The following CSMD1 variants were observed in gnomAD, a reference collection of about 807,000 sequenced individuals.
CSMD1 encodes CUB and Sushi multiple domains 1.
Under a neutral mutation model 417.5 loss-of-function variants are expected in CSMD1, and 213 were observed. That is an observed-to-expected ratio of 0.51 (90% CI 0.46 to 0.57). The LOEUF (loss-of-function observed/expected upper bound fraction) is 0.57, where lower values mean the gene tolerates loss of function less well. Among genes scored for constraint, CSMD1 ranks in the 20% least tolerant of loss-of-function variants. CSMD1 has a pLI of 0.00. For synonymous variants in CSMD1, 2,862 were observed against 1,736.8 expected (o/e 1.65, Z -16.11); for missense variants, 6,923 against 4,529.7 (o/e 1.53, Z -15.17).
chr8:3,402,179 T>C (rs1812077286), intron 15 of CSMD1, among the ~76,000 whole-genome samples: 1 of 152,198 alleles, frequency 6.6e-6, no homozygotes, highest in African/African-American at 2.4e-5. Context: ...TGCACAACAC[T>C]AAGGTTCTCT....
intron 12 of CSMD1, among the ~76,000 whole-genome samples, chr8:3,461,556 A>G (rs892795872): frequency 6.6e-6 from 1 of 152,146 alleles, no homozygotes; most frequent in South Asian, 2.1e-4. Context: ...GTTGTAGAGA[A>G]CCTGCTTCTC....
chr8:3,021,549 G>A (rs552964573), intron 51 of CSMD1, among the ~76,000 whole-genome samples: 3 of 152,214 alleles, frequency 2.0e-5, no homozygotes, highest in South Asian at 2.1e-4. Flanking sequence ...GTGTGTCCAC[G>A]CTCACAGTCC....
intron 10 of CSMD1, among the ~76,000 whole-genome samples, chr8:3,519,574 T>A (rs28688278): frequency 0.15 from 23,113 of 152,124 alleles, 1,936 homozygotes; most frequent in Admixed American, 0.22. Flanking sequence ...AATGAGTACC[T>A]TGGTAGAGAC....
chr8:4,716,102 G>C (rs948822763), intron 1 of CSMD1, among the ~76,000 whole-genome samples: 11 of 152,282 alleles, frequency 7.2e-5, no homozygotes, highest in Non-Finnish European at 1.2e-4. Flanking sequence ...GGGACTCTTA[G>C]TCGGGAGACT....
chr8:3,760,091 G>A (rs1298284889), intron 5 of CSMD1, among the ~76,000 whole-genome samples: 1 of 151,958 alleles, frequency 6.6e-6, no homozygotes, highest in African/African-American at 2.4e-5. Context: ...AAAACAAGGG[G>A]GTTGAGAAGT....
rs537003737 is a variant in CSMD1 at position 3,742,614 on chromosome 8, C to A, written c.931+11316G>T. 4.6e-5 allele frequency among the ~76,000 whole-genome samples: 7 copies of A among 152,226 alleles called. 1 individual carries two copies. The highest frequency in any genetic ancestry group is 2.0e-4 in the Admixed American group (3 of 15,288). The stretch of plus-strand genomic sequence containing the variant: ...AGTAGTGCTTCACCCTAGGACGTGC[C>A]CAGGTCCACTTTTCCTTCTGCTCGT... On this transcript the variant is annotated intron_variant, in intron 6 of 69. Transcript: ENST00000635120.
chr8:3,033,743 G>C (rs531018359), intron 50 of CSMD1, among the ~76,000 whole-genome samples: 37 of 152,274 alleles, frequency 2.4e-4, no homozygotes, highest in Non-Finnish European at 4.3e-4. Flanking sequence ...TTCTGCACAT[G>C]ATTCCCAGAA....
chr8:4,450,586 G>A (rs570316683), intron 2 of CSMD1, among the ~76,000 whole-genome samples: 32 of 152,174 alleles, frequency 2.1e-4, no homozygotes, highest in East Asian at 9.7e-4. Context: ...AGCCCAGATC[G>A]CACCACTGCA....
chr8:4,669,297 A>G lies in CSMD1; in HGVS notation c.86-31739T>C, dbSNP rs1805145181. 2.0e-5 allele frequency among the ~76,000 whole-genome samples: 3 copies of G among 152,202 alleles called. No individual in the cohort carries two copies. The South Asian group carries it at 6.2e-4, about 31-fold the overall frequency. ...TATCGTTTATATTTATTCACTAAAA[A>G]TCCTTACAAGAAGTTAGCTCTACCC... On this transcript the variant is annotated intron_variant, in intron 1 of 69. Transcript: ENST00000635120.
At chr8:4,123,839 T>G (rs183210044) in intron 3 of CSMD1, among the ~76,000 whole-genome samples, 215 of 152,254 alleles carry the variant, frequency 1.4e-3, no homozygotes, top group Non-Finnish European at 2.7e-3. Context: ...CTATAGAGAA[T>G]GAGAACACGG....
At chr8:4,618,568 C>T (rs1801606834) in intron 2 of CSMD1, among the ~76,000 whole-genome samples, 1 of 151,824 alleles carries the variant, frequency 6.6e-6, no homozygotes. Context: ...CCTACATAGC[C>T]TTCTCCTGGA....
chr8:3,514,784 G>C (rs1797219150), intron 10 of CSMD1, among the ~76,000 whole-genome samples: 1 of 151,926 alleles, frequency 6.6e-6, no homozygotes, highest in Non-Finnish European at 1.5e-5. Flanking sequence ...TGATCCTTTA[G>C]TGATTAAACT....
chr8:3,937,268 G>A (rs756451752), intron 5 of CSMD1, among the ~76,000 whole-genome samples: 35 of 144,788 alleles, frequency 2.4e-4, no homozygotes, highest in Non-Finnish European at 4.9e-4. Flanking sequence ...GGTTAGAGAA[G>A]ACTGACTGAA....
At chr8:4,469,109 T>C (rs1368486550) in intron 2 of CSMD1, among the ~76,000 whole-genome samples, 4 of 152,210 alleles carry the variant, frequency 2.6e-5, no homozygotes, top group Non-Finnish European at 4.4e-5. Flanking sequence ...GAGTTTGGTG[T>C]GGCCTCCCTG....
chr8:3,720,523 T>G (rs909315784), intron 6 of CSMD1, among the ~76,000 whole-genome samples: 1 of 152,066 alleles, frequency 6.6e-6, no homozygotes, highest in Non-Finnish European at 1.5e-5. Context: ...CCATAGACCT[T>G]TTGTTGTCTC....
chr8:4,621,644 A>G (rs950282036), intron 2 of CSMD1, among the ~76,000 whole-genome samples: 4 of 152,130 alleles, frequency 2.6e-5, no homozygotes, highest in Non-Finnish European at 5.9e-5. Flanking sequence ...ACAGTTTTAG[A>G]AACAGAGGAG....
intron 26 of CSMD1, among the ~76,000 whole-genome samples, chr8:3,252,464 C>T (rs892734178): frequency 2.0e-5 from 3 of 152,106 alleles, no homozygotes; most frequent in Non-Finnish European, 4.4e-5. Context: ...TTCACTTTGC[C>T]AGTATTTTAT....
At chr8:4,440,154 T>A (rs1371037484) in intron 2 of CSMD1, among the ~76,000 whole-genome samples, 1 of 152,164 alleles carries the variant, frequency 6.6e-6, no homozygotes, top group East Asian at 1.9e-4. Context: ...TCTTGCTAAT[T>A]TGGACGTTTC....
intron 3 of CSMD1, among the ~76,000 whole-genome samples, chr8:4,411,507 C>T (rs1312860047): frequency 6.6e-6 from 1 of 152,180 alleles, no homozygotes; most frequent in Non-Finnish European, 1.5e-5. Flanking sequence ...AATATTCATT[C>T]CCACATTATC....
Sources: gnomAD v4.1 joint callset for allele counts (sites outside exome capture counted in the v4.1 genomes callset) on GRCh38, gnomAD v4.1.1 for gene constraint, MANE v1.5 for transcripts, NCBI Gene and HGNC (gene_info 2026-07-23, HGNC 2026-07-21) for gene names.